TRPC3: variants seen among roughly 807,000 people sequenced by gnomAD.
TRPC3 encodes the protein transient receptor potential cation channel subfamily C member 3.
A neutral mutation model predicts 90.9 loss-of-function variants in TRPC3; 54 were observed. The observed-to-expected ratio is 0.59, with a 90% CI of 0.48 to 0.75. The LOEUF is 0.75. Among genes scored for constraint, TRPC3 ranks in the 30% least tolerant of loss-of-function variants. The pLI, the probability that TRPC3 is intolerant of heterozygous loss-of-function variation, is 0.00. For missense variants in TRPC3, 918 were observed against 1,194.5 expected, an observed-to-expected ratio of 0.77 and a Z score of 3.41; for synonymous variants, 424 against 450.9, an observed-to-expected ratio of 0.94 and a Z score of 0.75.
At chr4:121,922,959 A>G (rs1455179413) in intron 3 of TRPC3, among the ~76,000 whole-genome samples, 1 of 152,226 alleles carries the variant, frequency 6.6e-6, no homozygotes, top group African/African-American at 2.4e-5. Flanking sequence ...TATGAAGTAG[A>G]GAAGAGATCT....
intron 1 of TRPC3, among the ~76,000 whole-genome samples, chr4:121,949,778 CAT>C (rs1578665108): frequency 6.6e-6 from 1 of 152,160 alleles, no homozygotes; most frequent in African/African-American, 2.4e-5. Context: ...AGTTAGCAAA[CAT>C]ATACAAAAGA....
At chr4:121,904,128 C>T (rs1728801908) in intron 8 of TRPC3, among the ~76,000 whole-genome samples, 194 bp downstream of exon 8, 2 of 152,226 alleles carry the variant, frequency 1.3e-5, no homozygotes, top group East Asian at 1.9e-4. Context: ...GGGACCCCTG[C>T]TGTGCACCTA....
At position 121,932,589 on chromosome 4, in the gene TRPC3, G is replaced by C; in HGVS notation, c.669C>G (p.Tyr223Ter). ...GCGAGAAGCGCGTGCCGTCCTCGTC[G>C]TAAGCGTAGAAGTCGTCGTCCTGCA... is the stretch of plus-strand genomic sequence containing the variant. ...QELQDDDFYA[Y>*]DEDGTRFSPD... Residue 223 changes from tyrosine to a stop codon, truncating the protein, a stop_gained, in exon 2 of 12, where the codon TAC becomes TAG. Coordinates refer to ENST00000379645, the MANE Select transcript of TRPC3 (RefSeq NM_001130698.2). LOFTEE classifies it high-confidence loss of function. The surrounding 1 kb of genome is among the most constrained non-coding windows in gnomAD (Gnocchi z 7.7). The C allele has an allele frequency of 6.2e-7, 1 of 1,614,216 alleles. No individual in the cohort carries two copies. The highest frequency in any genetic ancestry group is 8.5e-7 in the Non-Finnish European group (1 of 1,180,052).
chr4:121,951,861 AGC>A lies in TRPC3; in HGVS notation c.-183_-182del. The A allele has an allele frequency of 2.4e-6, 1 of 423,204 alleles. No homozygotes were observed. The highest frequency in any genetic ancestry group is 4.0e-6 in the Non-Finnish European group (1 of 251,142). 26.2% of individuals were successfully genotyped at this position (423,204 alleles called of 1,614,324 possible). On this transcript the variant is annotated 5_prime_UTR_variant, in exon 1 of 12. The change creates a premature stop within an existing upstream ORF in the 5' untranslated region. Coordinates refer to ENST00000379645, the MANE Select transcript of TRPC3 (RefSeq NM_001130698.2). The surrounding 1 kb of genome is among the most constrained non-coding windows in gnomAD (Gnocchi z 4.4). ...GCCCGCGATCCAGCAGTTAGAGGCT[AGC>A]GCCGAAGCCGAGCTGCCGCCGCCCA...
chr4:121,950,784 C>G (rs1730697317), intron 1 of TRPC3: 1 of 152,264 alleles, frequency 6.6e-6, no homozygotes, highest in African/African-American at 2.4e-5. Flanking sequence ...AGCGGTTCCC[C>G]GGCTGCCCGA....
intron 10 of TRPC3, among the ~76,000 whole-genome samples, chr4:121,895,000 T>C (rs1455984626): frequency 6.6e-6 from 1 of 152,088 alleles, no homozygotes; most frequent in African/African-American, 2.4e-5. Context: ...TTAGACATCA[T>C]AACAAAAGGC....
At chr4:121,949,946 G>T (rs1730627676) in intron 1 of TRPC3, among the ~76,000 whole-genome samples, 1 of 152,022 alleles carries the variant, frequency 6.6e-6, no homozygotes, top group Non-Finnish European at 1.5e-5. Context: ...AGGATTTAAG[G>T]TTTTTAAAAA....
intron 9 of TRPC3, among the ~76,000 whole-genome samples, chr4:121,900,335 G>A (rs1300855128): frequency 6.6e-6 from 1 of 152,142 alleles, no homozygotes; most frequent in Non-Finnish European, 1.5e-5. Context: ...TCATGTATAC[G>A]AGCAGGGCCT....
chr4:121,914,364 G>T (rs1324449918), intron 4 of TRPC3, among the ~76,000 whole-genome samples: 2 of 152,210 alleles, frequency 1.3e-5, no homozygotes, highest in East Asian at 1.9e-4. Flanking sequence ...GTCCAAATGG[G>T]TTGCCCTTCT....
chr4:121,902,783 A>C, intron 9 of TRPC3, 69 bp downstream of exon 9: 4 of 1,213,680 alleles, frequency 3.3e-6, no homozygotes, highest in Non-Finnish European at 4.6e-6. Context: ...TTATTGAACA[A>C]ACATCAGAAG....
chr4:121,894,556 T>TTTTG (rs1728445074), intron 10 of TRPC3, among the ~76,000 whole-genome samples: 1 of 24,898 alleles, frequency 4.0e-5, no homozygotes, highest in African/African-American at 9.1e-5. Flanking sequence ...ACACATTCTG[T>TTTTG]TTTTTTTTTT....
chr4:121,937,519 A>T (rs1307439203), intron 1 of TRPC3, among the ~76,000 whole-genome samples: 1 of 152,242 alleles, frequency 6.6e-6, no homozygotes, highest in Non-Finnish European at 1.5e-5. Context: ...AGCCTACAGA[A>T]ATGCCTTCAG....
chr4:121,897,293 G>T (rs1728548448), intron 10 of TRPC3, among the ~76,000 whole-genome samples: 1 of 151,296 alleles, frequency 6.6e-6, no homozygotes, highest in Admixed American at 6.6e-5. Flanking sequence ...AAACATATGG[G>T]ATCATACCAA....
intron 1 of TRPC3, among the ~76,000 whole-genome samples, chr4:121,941,617 CAAGAAAGTCAGAGAAGAAAAGT>C (rs1730314913): frequency 6.6e-6 from 1 of 150,518 alleles, no homozygotes; most frequent in South Asian, 2.1e-4. Context: ...GAAGAAAAGA[CAAGAAAGTCAGAGAAGAAAAGT>C]CAAAAAATAG....
intron 4 of TRPC3, among the ~76,000 whole-genome samples, chr4:121,912,579 C>T (rs182432736): frequency 4.5e-4 from 69 of 152,226 alleles, no homozygotes; most frequent in African/African-American, 1.5e-3. Flanking sequence ...AATTTTAGTT[C>T]TCATTTCTAA....
intron 2 of TRPC3, among the ~76,000 whole-genome samples, chr4:121,926,078 C>A (rs1313321104): frequency 1.3e-5 from 2 of 152,166 alleles, no homozygotes; most frequent in Non-Finnish European, 2.9e-5. Context: ...AACAAAAAAA[C>A]CCTGACTAAT....
chr4:121,930,914 G>A (rs2149141017), intron 2 of TRPC3: 1 of 310,866 alleles, frequency 3.2e-6, no homozygotes, highest in South Asian at 2.8e-5. Flanking sequence ...CTTCAAAGGG[G>A]TTAGATATAA....
chr4:121,946,329 A>G (rs1047860016), intron 1 of TRPC3, among the ~76,000 whole-genome samples: 7 of 152,192 alleles, frequency 4.6e-5, no homozygotes, highest in African/African-American at 1.7e-4. Flanking sequence ...TCATACAAAG[A>G]AAGTTAGAGG....
chr4:121,940,838 T>C (rs977128264), intron 1 of TRPC3, among the ~76,000 whole-genome samples: 1 of 152,220 alleles, frequency 6.6e-6, no homozygotes, highest in Non-Finnish European at 1.5e-5. Context: ...CTCAGTTCAA[T>C]TGAGGATAAA....
Sources: gnomAD v4.1 joint callset for allele counts (sites outside exome capture counted in the v4.1 genomes callset) on GRCh38, gnomAD v4.1.1 for gene constraint, Gnocchi (gnomAD v3.1) non-coding constraint, MANE v1.5 for transcripts, NCBI Gene and HGNC (gene_info 2026-07-23, HGNC 2026-07-21) for gene names.